NUTM1: variants seen among roughly 807,000 people sequenced by gnomAD.
NUTM1 encodes the protein NUT family member 1.
NUTM1 carries 39 observed loss-of-function variants against 88.7 expected under a neutral mutation model. That is an observed-to-expected ratio of 0.44 (90% CI 0.34 to 0.57). The LOEUF (loss-of-function observed/expected upper bound fraction) is 0.57, where lower values mean the gene tolerates loss of function less well. NUTM1 is among the 20% of genes least tolerant of loss of function. The probability of loss-of-function intolerance (pLI) is 0.01; values close to 1 mark genes in which losing one functional copy is unlikely to be tolerated. For missense variants in NUTM1, 1,350 were observed against 1,414.5 expected (o/e 0.95, Z 0.73); for synonymous variants, 494 against 538.0 (o/e 0.92, Z 1.13).
chr15:34,346,343 G>A (rs402784), intron 2 of NUTM1, among the ~76,000 whole-genome samples: 90,334 of 151,284 alleles, frequency 0.6, 29,586 homozygotes, highest in African/African-American at 0.88. Context: ...AGAGGATCAG[G>A]GGTATGTGTC....
At chr15:34,354,920 AAG>A in intron 6 of NUTM1, 99 bp from the exon 7 acceptor site, 1 of 1,049,894 alleles carries the variant, frequency 9.5e-7, no homozygotes, top group Non-Finnish European at 1.5e-6. Context: ...CCGGAGGGGT[AAG>A]AGGGGAGAGT....
intron 4 of NUTM1, among the ~76,000 whole-genome samples, chr15:34,351,909 C>T (rs1890716867): frequency 6.6e-6 from 1 of 150,442 alleles, no homozygotes; most frequent in South Asian, 2.1e-4. Context: ...GGTGGCTCCG[C>T]CTGTAATCCC....
At chr15:34,353,695 C>G in intron 4 of NUTM1, 41 bp from the exon 5 acceptor site, 1 of 1,612,204 alleles carries the variant, frequency 6.2e-7, no homozygotes, top group Non-Finnish European at 8.5e-7. Flanking sequence ...TGGGTCTGGT[C>G]TCCTTCTCAG....
Position 34,353,741 on chromosome 15 carries a change from T to A in NUTM1, c.944T>A (p.Met315Lys). ...GCCTTTCTCACCCTCTGCAGGTTCATGGAGTTTGAGGCTGAGGAGATGCAG... is the reference window on the plus strand; with the variant it reads ...GCCTTTCTCACCCTCTGCAGGTTCAAGGAGTTTGAGGCTGAGGAGATGCAG... The part of the protein sequence containing the change: ...MIFYEMAERF[M>K]EFEAEEMQIQ... The change falls in exon 5 of 8, where the codon ATG (methionine) becomes AAG (lysine). Residue 315 changes from methionine to lysine, a missense_variant. Physicochemically the swap from Met to Lys is moderately conservative, Grantham distance 95 (BLOSUM62 -1). Transcript: ENST00000537011. 1 of 1,614,148 alleles carries A rather than the reference T, an allele frequency of 6.2e-7. No individual in the cohort carries two copies.
chr15:34,348,104 T>G lies in NUTM1; in HGVS notation c.236T>G (p.Met79Arg). The G allele has an allele frequency of 1.2e-6, 2 of 1,614,172 alleles. No homozygotes were observed. The highest frequency in any genetic ancestry group is 2.2e-5 in the South Asian group (2 of 91,084). Residue 79 changes from methionine to arginine, a missense_variant, in exon 3 of 8, where the codon ATG (methionine) becomes AGG (arginine). Met to Arg is a moderately conservative substitution (Grantham distance 91). Transcript: ENST00000537011. The stretch of plus-strand genomic sequence containing the variant: ...AGGGAGCCACCTCCACAGCCCATCA[T>G]GCCTTCAGTATTCTCTCCAGACAAC... The part of the protein sequence containing the change: ...PPREPPPQPI[M>R]PSVFSPDNPL...
rs1290111731 is a variant in NUTM1 at position 34,356,172 on chromosome 15, G to C, written c.2164G>C (p.Gly722Arg). 5 of 1,611,354 alleles carry C rather than the reference G, an allele frequency of 3.1e-6. No homozygotes were observed. The highest frequency in any genetic ancestry group is 4.2e-6 in the Non-Finnish European group (5 of 1,177,872). ...SSGAMWGDDR[G>R]TPMAQSYDQN... ...AGGAGCCATGTGGGGAGATGACAGA[G>C]GTACCCCCATGGCTCAGAGTTATGA... Residue 722 changes from glycine to arginine, a missense_variant, in exon 8 of 8, where the codon GGT (glycine) becomes CGT (arginine). Gly to Arg is a moderately radical substitution (Grantham distance 125). Coordinates refer to ENST00000537011, the MANE Select transcript of NUTM1 (RefSeq NM_001284292.2).
chr15:34,345,912 C>G (rs768833325), intron 1 of NUTM1, 30 bp from the exon 2 acceptor site: 1 of 1,612,948 alleles, frequency 6.2e-7, no homozygotes, highest in South Asian at 1.1e-5. Flanking sequence ...CCTTCCCTTC[C>G]TTGGATCCCT....
chr15:34,347,806 T>C (rs1021144257), intron 2 of NUTM1, among the ~76,000 whole-genome samples, 163 bp from the exon 3 acceptor site: 1 of 152,010 alleles, frequency 6.6e-6, no homozygotes, highest in Admixed American at 6.6e-5. Context: ...TGAGCCGAGA[T>C]TGTGCCACTG....
At position 34,355,870 on chromosome 15, in the gene NUTM1, T is replaced by C. The variant is rs1390194475; in HGVS notation, c.1862T>C (p.Val621Ala). 1.9e-6 allele frequency: 3 copies of C among 1,613,810 alleles called. No individual in the cohort carries two copies. The highest frequency in any genetic ancestry group is 1.6e-4 in the Middle Eastern group (1 of 6,062). Residue 621 changes from valine to alanine, a missense_variant, in exon 8 of 8, where the codon GTA becomes GCA. Val to Ala is a moderately conservative substitution (Grantham distance 64). This residue lies in a region of NUTM1 where 730 missense variants were observed against 728.8 expected (regional missense o/e 1.00). Coordinates refer to ENST00000537011, the MANE Select transcript of NUTM1 (RefSeq NM_001284292.2). The surrounding 1 kb of genome is among the most constrained non-coding windows in gnomAD (Gnocchi z 4.3). ...GGGTCTGGGAAGGTTATAAACCAGGTATCTCTACATCAGGATGGCCATCTA... is the reference window on the plus strand; with the variant it reads ...GGGTCTGGGAAGGTTATAAACCAGGCATCTCTACATCAGGATGGCCATCTA... ...RRGSGKVINQ[V>A]SLHQDGHLGG...
In NUTM1 at chr15:34,356,991, C is replaced by T. The variant is rs773618689; in HGVS notation, c.2983C>T (p.His995Tyr). Residue 995 changes from histidine to tyrosine, a missense_variant, in exon 8 of 8, where the codon CAC becomes TAC. His to Tyr is a moderately conservative substitution (Grantham distance 83). This residue lies in a region of NUTM1 where 730 missense variants were observed against 728.8 expected (regional missense o/e 1.00). Transcript: ENST00000537011. ...TTGTPKATSS[H>Y]QGLGSTLPRR... ...TGGGACTCCCAAAGCAACATCTTCT[C>T]ACCAGGGCCTTGGAAGCACTTTGCC... 1.9e-6 allele frequency: 3 copies of T among 1,613,950 alleles called. No individual in the cohort carries two copies. The highest frequency in any genetic ancestry group is 2.5e-6 in the Non-Finnish European group (3 of 1,179,982).
chr15:34,355,702 A>G lies in NUTM1; in HGVS notation c.1694A>G (p.His565Arg). 2 of 1,610,626 alleles carry G rather than the reference A, an allele frequency of 1.2e-6. No homozygotes were observed. Among genetic ancestry groups the G allele is most frequent in the South Asian group, 1.1e-5 (1 of 90,786 alleles). ...TCAGGAAAACGGGCAAGAGAAGTGC[A>G]TGGTGGGCAGGAGCAAGCCCTAGAT... ...SSSGKRAREV[H>R]GGQEQALDSP... Residue 565 changes from histidine (H) to arginine (R), a missense_variant, in exon 8 of 8, where the codon CAT becomes CGT. His to Arg is a conservative substitution (Grantham distance 29, BLOSUM62 0). Transcript: ENST00000537011. This position sits in a 1 kb window ranked among gnomAD's most constrained non-coding sequence, Gnocchi z 4.3.
At position 34,357,185 on chromosome 15, in the gene NUTM1, A is replaced by T. The variant is rs749407890; in HGVS notation, c.3177A>T (p.Ser1059=). The change falls in exon 8 of 8, where the codon TCA becomes TCT. Residue 1059 remains serine, a synonymous_variant. Transcript: ENST00000537011. ...AYLLASKLSL[S]PREHPLSPHH... ...TCTTGGCCTCTAAACTTAGCCTCTC[A>T]CCAAGGGAGCATCCCCTCAGTCCTC... 1.2e-6 allele frequency: 2 copies of T among 1,614,174 alleles called. No homozygotes were observed. Among genetic ancestry groups the T allele is most frequent in the Admixed American group, 3.3e-5 (2 of 60,020 alleles).
At chr15:34,344,353 A>C (rs1890544064) in intron 1 of NUTM1, among the ~76,000 whole-genome samples, 1 of 150,578 alleles carries the variant, frequency 6.6e-6, no homozygotes, top group South Asian at 2.1e-4. Context: ...AAATACAAAA[A>C]TTAGCGGGGC....
rs779715919 is a variant in NUTM1 at position 34,355,911 on chromosome 15, C to A, written c.1903C>A (p.Pro635Thr). The A allele has an allele frequency of 1.9e-6, 3 of 1,614,006 alleles. No individual in the cohort carries two copies. The South Asian group carries it at 3.3e-5, about 18-fold the overall frequency. Reference sequence around the variant, plus strand: ...TGGCCATCTAGGAGGCGCTGGGCCTCCTGGGCACTGCCTGGTGGCTGATAG... The same window carrying A: ...TGGCCATCTAGGAGGCGCTGGGCCTACTGGGCACTGCCTGGTGGCTGATAG... ...QDGHLGGAGP[P>T]GHCLVADRTS... The change falls in exon 8 of 8, where the codon CCT (proline) becomes ACT (threonine). Residue 635 changes from proline to threonine, a missense_variant. By Grantham distance (38) the Pro-to-Thr change is conservative. This residue lies in a region of NUTM1 where 730 missense variants were observed against 728.8 expected (regional missense o/e 1.00). Coordinates refer to ENST00000537011, the MANE Select transcript of NUTM1 (RefSeq NM_001284292.2). This position sits in a 1 kb window ranked among gnomAD's most constrained non-coding sequence, Gnocchi z 4.3.
chr15:34,355,463 C>T lies in NUTM1; in HGVS notation c.1480-25C>T, dbSNP rs1316482612. On this transcript the variant is annotated intron_variant, in intron 7 of 7. Transcript: ENST00000537011. This position sits in a 1 kb window ranked among gnomAD's most constrained non-coding sequence, Gnocchi z 4.3. The stretch of plus-strand genomic sequence containing the variant: ...ACCTCTTTCACAACCACGTATAGAA[C>T]TGACTATTTGTTCATTTCTTTCAGC... 1.2e-6 allele frequency: 2 copies of T among 1,613,062 alleles called. No homozygotes were observed. The highest frequency in any genetic ancestry group is 1.7e-6 in the Non-Finnish European group (2 of 1,179,352).
rs1484954181 is a variant in NUTM1, at chr15:34,355,841, G to A, written c.1833G>A (p.Arg611=). The change falls in exon 8 of 8, where the codon AGG becomes AGA. Residue 611 remains arginine, a synonymous_variant. Coordinates refer to ENST00000537011, the MANE Select transcript of NUTM1 (RefSeq NM_001284292.2). The surrounding 1 kb of genome is among the most constrained non-coding windows in gnomAD (Gnocchi z 4.3). The part of the protein sequence containing the change: ...QGTPGPLGVE[R]RGSGKVINQV... ...CTCCGGGACCCTTGGGTGTGGAGAGGAGAGGGTCTGGGAAGGTTATAAACC... is the reference window on the plus strand; with the variant it reads ...CTCCGGGACCCTTGGGTGTGGAGAGAAGAGGGTCTGGGAAGGTTATAAACC... The A allele has an allele frequency of 1.2e-6, 2 of 1,614,130 alleles. No individual in the cohort carries two copies. Among genetic ancestry groups the A allele is most frequent in the Admixed American group, 3.3e-5 (2 of 60,026 alleles).
chr15:34,347,939 T>A, intron 2 of NUTM1, 30 bp from the exon 3 acceptor site: 1 of 1,410,336 alleles, frequency 7.1e-7, no homozygotes. Flanking sequence ...TTTCTCCTAC[T>A]CCATTTCTTC....
intron 4 of NUTM1, among the ~76,000 whole-genome samples, chr15:34,352,605 T>C (rs1217174081): frequency 6.9e-6 from 1 of 144,370 alleles, no homozygotes; most frequent in Non-Finnish European, 1.5e-5. Context: ...GAGACCATTC[T>C]GGCTAACACG....
rs761467369 is a variant in NUTM1 at position 34,356,587 on chromosome 15, C to G, written c.2579C>G (p.Pro860Arg). The G allele has an allele frequency of 1.2e-5, 19 of 1,613,758 alleles. No homozygotes were observed. The highest frequency in any genetic ancestry group is 1.6e-5 in the Non-Finnish European group (19 of 1,179,986). The change falls in exon 8 of 8, where the codon CCC (proline) becomes CGC (arginine). Residue 860 changes from proline to arginine, a missense_variant. Transcript: ENST00000537011. ...CAGAGCTGTGAAACCGTAGGGCATC[C>G]CAGTGATCTGTGGGCAGAAGGTTGC... ...QEQSCETVGH[P>R]SDLWAEGCFP...
Sources: allele counts gnomAD v4.1 joint callset (sites outside exome capture counted in the v4.1 genomes callset), GRCh38; gene constraint gnomAD v4.1.1; regional missense constraint gnomAD v4.1.1; non-coding constraint Gnocchi (gnomAD v3.1); transcripts MANE v1.5; gene names NCBI Gene and HGNC (gene_info 2026-07-23, HGNC 2026-07-21).